Variants in GABRA2 observed in about 807,000 individuals in gnomAD.
The protein encoded by GABRA2 is gamma-aminobutyric acid receptor subunit alpha-2.
Under a neutral mutation model 48.7 loss-of-function variants are expected in GABRA2, and 16 were observed. That is an observed-to-expected ratio of 0.33 (90% CI 0.22 to 0.50). The LOEUF (loss-of-function observed/expected upper bound fraction) is 0.50, where lower values mean the gene tolerates loss of function less well. GABRA2 is among the 20% of genes least tolerant of loss of function. GABRA2 has a pLI of 0.98. For synonymous variants in GABRA2, 185 were observed against 184.5 expected (o/e 1.00, Z -0.02); for missense variants, 275 against 535.6 (o/e 0.51, Z 4.80).
Position 46,383,472 on chromosome 4 carries a change from C to T in GABRA2, c.187+2602G>A, listed in dbSNP as rs139292543. On this transcript the variant is annotated intron_variant, in intron 3 of 9. Transcript: ENST00000381620. Reference sequence around the variant, plus strand: ...CACAGAAAAGTTAATCAAGCATCAACATTTATTTTATGACCACAATATGCA... The same window carrying T: ...CACAGAAAAGTTAATCAAGCATCAATATTTATTTTATGACCACAATATGCA... 9.9e-5 allele frequency among the ~76,000 whole-genome samples: 15 copies of T among 152,258 alleles called. No homozygotes were observed. In the East Asian group the frequency reaches 2.9e-3, roughly 29 times the overall value.
At chr4:46,325,102 A>G (rs1217800870) in intron 4 of GABRA2, among the ~76,000 whole-genome samples, 1 of 151,960 alleles carries the variant, frequency 6.6e-6, no homozygotes, top group Non-Finnish European at 1.5e-5. Flanking sequence ...AGTATATAGT[A>G]TGTAGTAATA....
At chr4:46,312,396 C>A in intron 5 of GABRA2, 100 bp downstream of exon 5, 1 of 732,110 alleles carries the variant, frequency 1.4e-6, no homozygotes, top group Admixed American at 2.6e-5. Flanking sequence ...TGTTAGAAAA[C>A]ACTCAACTTT....
intron 8 of GABRA2, among the ~76,000 whole-genome samples, chr4:46,286,065 A>G (rs1722490129): frequency 6.6e-6 from 1 of 152,128 alleles, no homozygotes; most frequent in African/African-American, 2.4e-5. Context: ...ACTTGTTTTT[A>G]TTATCCCAGA....
intron 3 of GABRA2, among the ~76,000 whole-genome samples, chr4:46,385,722 GA>G (rs2109373977): frequency 6.6e-6 from 1 of 151,978 alleles, no homozygotes; most frequent in Non-Finnish European, 1.5e-5. Flanking sequence ...TATGATCAAA[GA>G]AAGTAAATAT....
intron 4 of GABRA2, among the ~76,000 whole-genome samples, chr4:46,316,611 T>C (rs1022201318): frequency 1.3e-5 from 2 of 152,012 alleles, no homozygotes; most frequent in African/African-American, 4.8e-5. Context: ...ACTAGAAGTG[T>C]ATAAATGTTC....
At chr4:46,279,458 T>C (rs1721098354) in intron 8 of GABRA2, among the ~76,000 whole-genome samples, 1 of 152,178 alleles carries the variant, frequency 6.6e-6, no homozygotes, top group Non-Finnish European at 1.5e-5. Flanking sequence ...TAGTTTTATA[T>C]GACAAAATCT....
At chr4:46,357,899 C>G (rs978315719) in intron 3 of GABRA2, among the ~76,000 whole-genome samples, 2 of 151,892 alleles carry the variant, frequency 1.3e-5, no homozygotes, top group African/African-American at 2.4e-5. Context: ...ACTTCGTGAT[C>G]CACCCACCTC....
At chr4:46,284,798 A>T (rs959469422) in intron 8 of GABRA2, among the ~76,000 whole-genome samples, 1 of 151,998 alleles carries the variant, frequency 6.6e-6, no homozygotes, top group African/African-American at 2.4e-5. Context: ...TTTAAAAAAA[A>T]TTCATTAAAA....
intron 3 of GABRA2, among the ~76,000 whole-genome samples, chr4:46,354,119 A>G (rs1169031054): frequency 2.0e-5 from 3 of 152,198 alleles, no homozygotes; most frequent in African/African-American, 4.8e-5. Context: ...ATTTTGTCTC[A>G]TAAACCCTAT....
chr4:46,297,204 G>T (rs1362350557), intron 8 of GABRA2, among the ~76,000 whole-genome samples: 1 of 152,082 alleles, frequency 6.6e-6, no homozygotes, highest in Middle Eastern at 3.4e-3. Flanking sequence ...TGGACTGGGA[G>T]AGTCAGATCC....
rs1717080309 is a variant in GABRA2, at chr4:46,262,003, G to A, written c.982C>T (p.Leu328=). 11 of 1,613,706 alleles carry A rather than the reference G, an allele frequency of 6.8e-6. No individual in the cohort carries two copies. Among genetic ancestry groups the A allele is most frequent in the Non-Finnish European group, 9.3e-6 (11 of 1,179,838 alleles). The change falls in exon 9 of 10, where the codon CTA becomes TTA. Residue 328 remains leucine (L), a synonymous_variant. Coordinates refer to ENST00000381620, the MANE Select transcript of GABRA2 (RefSeq NM_000807.4). ...TAATTAACAGTTGCAAATTCAATTAGGGCAGAGAACACAAATGCATAACAA... is the reference window on the plus strand; with the variant it reads ...TAATTAACAGTTGCAAATTCAATTAAGGCAGAGAACACAAATGCATAACAA... The part of the protein sequence containing the change: ...AVCYAFVFSA[L]IEFATVNYFT...
chr4:46,263,912 TTCTCTCTCTCTCTCTCTC>T (rs3068324), intron 8 of GABRA2, among the ~76,000 whole-genome samples: 5 of 145,084 alleles, frequency 3.4e-5, no homozygotes, highest in South Asian at 2.2e-4. Context: ...ATTAGATCAA[TTCTCTCTCTCTCTCTCTC>T]TCTCTCTCTC....
At chr4:46,363,184 G>C (rs1472303940) in intron 3 of GABRA2, among the ~76,000 whole-genome samples, 3 of 152,114 alleles carry the variant, frequency 2.0e-5, no homozygotes, top group African/African-American at 7.2e-5. Flanking sequence ...TGATAAGAAA[G>C]AAATATTGAA....
rs1386805311 is a variant in GABRA2 at position 46,246,562 on chromosome 4, T to C, written c.*3746A>G. Among the ~76,000 whole-genome samples the C allele has an allele frequency of 1.3e-5, 2 of 150,954 alleles. No individual in the cohort carries two copies. The highest frequency in any genetic ancestry group is 2.0e-4 in the East Asian group (1 of 5,100). On this transcript the variant is annotated 3_prime_UTR_variant, in exon 10 of 10. Transcript: ENST00000381620. ...TATGGGACCTCAATTAAAAGGAAAA[T>C]GAATGGCACTATAGGGTAGCAATGA...
intron 4 of GABRA2, among the ~76,000 whole-genome samples, chr4:46,332,409 C>T (rs927652882): frequency 2.0e-5 from 3 of 151,864 alleles, no homozygotes; most frequent in African/African-American, 4.8e-5. Flanking sequence ...TTGAAAATGA[C>T]GTAAAATACA....
chr4:46,382,129 C>T (rs1360628911), intron 3 of GABRA2, among the ~76,000 whole-genome samples: 1 of 150,428 alleles, frequency 6.6e-6, no homozygotes, highest in Admixed American at 6.6e-5. Context: ...GCAAAAGAGA[C>T]AAAAATGTGC....
intron 3 of GABRA2, among the ~76,000 whole-genome samples, chr4:46,375,964 A>G (rs558551557): frequency 1.3e-5 from 2 of 152,274 alleles, no homozygotes; most frequent in South Asian, 4.1e-4. Context: ...ATCATTTCCT[A>G]CTTCTCTAAA....
In GABRA2 at chr4:46,247,208, A is replaced by T. The variant is rs1180217040; in HGVS notation, c.*3100T>A. Among the ~76,000 whole-genome samples, 1 of 150,574 alleles carries T rather than the reference A, an allele frequency of 6.6e-6. No homozygotes were observed. Among genetic ancestry groups the T allele is most frequent in the African/African-American group, 2.5e-5 (1 of 40,764 alleles). ...GCACTTAATAAAATCATTAAAATTT[A>T]AAAAATATATATTAAATGGTTATAT... is the stretch of plus-strand genomic sequence containing the variant. On this transcript the variant is annotated 3_prime_UTR_variant, in exon 10 of 10. Coordinates refer to ENST00000381620, the MANE Select transcript of GABRA2 (RefSeq NM_000807.4).
chr4:46,296,674 A>AAAC (rs1222741575), intron 8 of GABRA2, among the ~76,000 whole-genome samples: 2 of 151,734 alleles, frequency 1.3e-5, no homozygotes, highest in Non-Finnish European at 2.9e-5. Flanking sequence ...AAAAGAAAAA[A>AAAC]AAAAACCTGC....
Sources: allele counts gnomAD v4.1 joint callset (sites outside exome capture counted in the v4.1 genomes callset), GRCh38; gene constraint gnomAD v4.1.1; transcripts MANE v1.5; gene names NCBI Gene and HGNC (gene_info 2026-07-23, HGNC 2026-07-21).